The following COL4A3 variants were observed in gnomAD, a reference collection of about 807,000 sequenced individuals.
COL4A3 encodes collagen type IV alpha 3 chain.
A neutral mutation model predicts 217.4 loss-of-function variants in COL4A3; 135 were observed. The ratio of observed to expected loss-of-function variants is 0.62; its 90% CI spans 0.54 to 0.72. The LOEUF (loss-of-function observed/expected upper bound fraction) is 0.72. Among genes scored for constraint, COL4A3 ranks in the 30% least tolerant of loss-of-function variants. The pLI is 0.00. For synonymous variants in COL4A3, 690 were observed against 736.3 expected, an observed-to-expected ratio of 0.94 and a Z score of 1.02; for missense variants, 1,868 against 2,119.9, an observed-to-expected ratio of 0.88 and a Z score of 2.33.
chr2:227,299,820 C>G (rs936030241), intron 43 of COL4A3, among the ~76,000 whole-genome samples: 1 of 152,172 alleles, frequency 6.6e-6, no homozygotes, highest in Admixed American at 6.5e-5. Flanking sequence ...CATTCCAGAT[C>G]CTTGCTTATT....
At chr2:227,311,740 T>G in intron 51 of COL4A3, 46 bp from the exon 52 acceptor site, 1 of 1,581,280 alleles carries the variant, frequency 6.3e-7, no homozygotes, top group South Asian at 1.1e-5. Context: ...AAAAATTCCC[T>G]TTTATGCATA....
chr2:227,267,460 T>G (rs968883924), intron 23 of COL4A3, among the ~76,000 whole-genome samples: 1 of 152,196 alleles, frequency 6.6e-6, no homozygotes, highest in Admixed American at 6.5e-5. Context: ...ACAACCCTAC[T>G]CAGTCCATTT....
In COL4A3 at chr2:227,246,678, CT is replaced by C; in HGVS notation, c.388-3del. ...AAGAATAATAAGAAACTTTGTATGT[CT>C]TTTAGGGTGAGCAGGGGTTTCCAGG... On this transcript the variant is annotated splice_polypyrimidine_tract_variant and splice_region_variant and intron_variant, in intron 6 of 51. Transcript: ENST00000396578. The C allele has an allele frequency of 6.2e-7, 1 of 1,609,430 alleles. No individual in the cohort carries two copies. Among genetic ancestry groups the C allele is most frequent in the Non-Finnish European group, 8.5e-7 (1 of 1,176,018 alleles).
Position 227,312,655 on chromosome 2 carries a change from C to T in COL4A3, c.*785C>T, listed in dbSNP as rs2073784806. On this transcript the variant is annotated 3_prime_UTR_variant, in exon 52 of 52. Transcript: ENST00000396578. ...AGTTTTAAAATGATATTGTTATATA[C>T]ATACTATGAAATATGTATAACTTTA... 2.0e-5 allele frequency: 3 copies of T among 152,544 alleles called. No individual in the cohort carries two copies. The highest frequency in any genetic ancestry group is 1.3e-4 in the Admixed American group (2 of 15,260). 9.4% of individuals were successfully genotyped at this position (152,544 alleles called of 1,614,324 possible).
At position 227,314,435 on chromosome 2, in the gene COL4A3, TA is replaced by T. The variant is rs1559927716; in HGVS notation, c.*2569del. On this transcript the variant is annotated 3_prime_UTR_variant, in exon 52 of 52. Transcript: ENST00000396578. ...ACAGATAAAATGTAAACTGTTTCTT[TA>T]AAATTGGGGCTTCAACTTTGGAATT... 3 of 152,664 alleles carry T rather than the reference TA, an allele frequency of 2.0e-5. No individual in the cohort carries two copies. Among genetic ancestry groups the T allele is most frequent in the Non-Finnish European group, 2.9e-5 (2 of 68,046 alleles). The allele number at this position is 152,664 out of a possible 1,614,324, so 9.5% of individuals were successfully genotyped here. A position where few individuals can be genotyped will look rare whatever the true frequency, so the allele number is the denominator to read the frequency against.
chr2:227,291,632 A>T (rs2072749276), intron 37 of COL4A3, among the ~76,000 whole-genome samples: 1 of 150,834 alleles, frequency 6.6e-6, no homozygotes, highest in Non-Finnish European at 1.5e-5. Context: ...CTAACAAAAG[A>T]TACAAAATAA....
chr2:227,307,673 T>C (rs1559922050), intron 47 of COL4A3, 37 bp from the exon 48 acceptor site: 3 of 1,552,908 alleles, frequency 1.9e-6, no homozygotes, highest in African/African-American at 1.4e-5. Context: ...TTAAGATTTT[T>C]GTGTATGTTG....
chr2:227,281,108 CT>C (rs1299513050), intron 31 of COL4A3, 102 bp downstream of exon 31: 3 of 775,476 alleles, frequency 3.9e-6, no homozygotes, highest in Non-Finnish European at 6.8e-6. Flanking sequence ...GCCACAAGTC[CT>C]GACCACTGTT....
chr2:227,233,705 T>C (rs1465091133), intron 1 of COL4A3, among the ~76,000 whole-genome samples: 1 of 152,186 alleles, frequency 6.6e-6, no homozygotes, highest in Non-Finnish European at 1.5e-5. Context: ...AACTGTGATT[T>C]TGATGACAAT....
At chr2:227,212,377 A>T (rs1174681203) in intron 1 of COL4A3, among the ~76,000 whole-genome samples, 3 of 152,188 alleles carry the variant, frequency 2.0e-5, no homozygotes, top group Non-Finnish European at 4.4e-5. Context: ...ATACCCTCTG[A>T]AACTTCCCCC....
intron 1 of COL4A3, among the ~76,000 whole-genome samples, chr2:227,224,372 G>A (rs779367735): frequency 5.3e-5 from 8 of 151,952 alleles, no homozygotes; most frequent in Non-Finnish European, 1.0e-4. Flanking sequence ...TGTTTATTCT[G>A]ACTTTGTTTT....
intron 5 of COL4A3, chr2:227,245,637 GCA>G (rs1190134365): frequency 2.3e-6 from 1 of 431,892 alleles, no homozygotes; most frequent in African/African-American, 2.0e-5. Context: ...TTTCATCTGT[GCA>G]CACTTTCCTC....
At chr2:227,280,829 G>A (rs1433371397) in intron 30 of COL4A3, 64 bp from the exon 31 acceptor site, 9 of 1,222,410 alleles carry the variant, frequency 7.4e-6, no homozygotes, top group African/African-American at 1.5e-5. Context: ...AAGAATGACT[G>A]GTACAGCAAT....
chr2:227,253,484 A>G lies in COL4A3; in HGVS notation c.688-77A>G, dbSNP rs774019497. The G allele has an allele frequency of 2.1e-6, 3 of 1,420,938 alleles. No individual in the cohort carries two copies. The highest frequency in any genetic ancestry group is 3.0e-6 in the Non-Finnish European group (3 of 1,003,840). The allele number at this position is 1,420,938 out of a possible 1,614,324, so 88.0% of individuals were successfully genotyped here. ...CGTATAAGCACTAAAGGGGAAAAGT[A>G]GACCTTTCAAACGTAGTAACATTGA... is the stretch of plus-strand genomic sequence containing the variant. On this transcript the variant is annotated intron_variant, in intron 12 of 51. Transcript: ENST00000396578. This position sits in a 1 kb window ranked among gnomAD's most constrained non-coding sequence, Gnocchi z 4.4.
At position 227,314,083 on chromosome 2, in the gene COL4A3, T is replaced by TGCTCCATCC. The variant is rs1198251579; in HGVS notation, c.*2215_*2223dup. On this transcript the variant is annotated 3_prime_UTR_variant, in exon 52 of 52. Transcript: ENST00000396578. Reference sequence around the variant, plus strand: ...GTTACCAAGTACGGCTGGCTACAACTGCTCCATCCGTGCCTCTTTTTAAAG... The same window carrying TGCTCCATCC: ...GTTACCAAGTACGGCTGGCTACAACTGCTCCATCCGCTCCATCCGTGCCTCTTTTTAAAG... 2.0e-5 allele frequency: 3 copies of TGCTCCATCC among 152,718 alleles called. No individual in the cohort carries two copies. Among genetic ancestry groups the TGCTCCATCC allele is most frequent in the African/African-American group, 7.2e-5 (3 of 41,474 alleles). 9.5% of individuals were successfully genotyped at this position (152,718 alleles called of 1,614,324 possible).
chr2:227,249,651 G>A (rs1036485711), intron 9 of COL4A3, among the ~76,000 whole-genome samples: 4 of 152,180 alleles, frequency 2.6e-5, no homozygotes, highest in Middle Eastern at 3.4e-3. Context: ...TGTATGGTGC[G>A]CTATCCTAAC....
intron 1 of COL4A3, among the ~76,000 whole-genome samples, chr2:227,193,580 T>C (rs906862526): frequency 1.3e-5 from 2 of 151,392 alleles, no homozygotes; most frequent in African/African-American, 4.8e-5. Context: ...GGCGTGGTTG[T>C]GCATGCCTGT....
chr2:227,234,497 G>A (rs2125871247), intron 1 of COL4A3, among the ~76,000 whole-genome samples: 1 of 152,320 alleles, frequency 6.6e-6, no homozygotes, highest in African/African-American at 2.4e-5. Flanking sequence ...AAATAGCCAT[G>A]CAATTCATAA....
At chr2:227,226,986 C>A (rs974013680) in intron 1 of COL4A3, among the ~76,000 whole-genome samples, 5 of 152,168 alleles carry the variant, frequency 3.3e-5, no homozygotes, top group African/African-American at 1.2e-4. Context: ...GAAATGCAAA[C>A]TTATGGACAT....
Sources: gnomAD v4.1 joint callset for allele counts (sites outside exome capture counted in the v4.1 genomes callset) on GRCh38, gnomAD v4.1.1 for gene constraint, Gnocchi (gnomAD v3.1) non-coding constraint, MANE v1.5 for transcripts, NCBI Gene and HGNC (gene_info 2026-07-23, HGNC 2026-07-21) for gene names.